The following KCTD3 variants were observed in gnomAD, a reference collection of about 807,000 sequenced individuals.
The protein encoded by KCTD3 is BTB/POZ domain-containing protein KCTD3.
KCTD3 carries 41 observed loss-of-function variants against 85.8 expected under a neutral mutation model. That is an observed-to-expected ratio of 0.48 (90% CI 0.37 to 0.62). KCTD3 has a LOEUF of 0.62. Ranked by LOEUF, KCTD3 falls within the 20% of genes least tolerant of loss-of-function variation. The pLI is 0.00. For synonymous variants in KCTD3, 338 were observed against 345.4 expected (o/e 0.98, Z 0.24); for missense variants, 724 against 989.9 (o/e 0.73, Z 3.60).
At position 215,567,548 on chromosome 1, in the gene KCTD3, G is replaced by A. The variant is rs1659172641; in HGVS notation, c.-138G>A. On this transcript the variant is annotated 5_prime_UTR_variant, in exon 1 of 18. Transcript: ENST00000259154. ...CCCGGCCGCCGGGAAGGTGGGGGAA[G>A]CCCCGTGCACCCCCCGCCCTCCGGC... 5.7e-6 allele frequency: 2 copies of A among 350,288 alleles called. No homozygotes were observed. The highest frequency in any genetic ancestry group is 4.3e-5 in the African/African-American group (2 of 46,464). The allele number at this position is 350,288 out of a possible 1,614,324, so 21.7% of individuals were successfully genotyped here. A position where few individuals can be genotyped will look rare whatever the true frequency, so the allele number is the denominator to read the frequency against.
chr1:215,574,077 C>T lies in KCTD3; in HGVS notation c.142C>T (p.Leu48=). 1 of 1,585,692 alleles carries T rather than the reference C, an allele frequency of 6.3e-7. No homozygotes were observed. The highest frequency in any genetic ancestry group is 8.6e-7 in the Non-Finnish European group (1 of 1,160,126). Residue 48 remains leucine (L), a synonymous_variant, in exon 3 of 18, where the codon CTG becomes TTG. Transcript: ENST00000259154. ...TAGATTATTAATGACTTCCAGTTTGCTGAGTGGGAGAATTTCAACACTTCG... is the reference window on the plus strand; with the variant it reads ...TAGATTATTAATGACTTCCAGTTTGTTGAGTGGGAGAATTTCAACACTTCG... ...WIPDSFFSSL[L]SGRISTLRDE...
At chr1:215,584,429 T>C (rs899560052) in intron 8 of KCTD3, among the ~76,000 whole-genome samples, 11 of 152,194 alleles carry the variant, frequency 7.2e-5, no homozygotes, top group African/African-American at 2.7e-4. Context: ...AAATTGACTT[T>C]GATAGAACTT....
intron 7 of KCTD3, among the ~76,000 whole-genome samples, 162 bp from the exon 8 acceptor site, chr1:215,579,747 C>G (rs563169493): frequency 2.0e-5 from 3 of 152,200 alleles, no homozygotes; most frequent in Non-Finnish European, 4.4e-5. Flanking sequence ...ATCCGCCCGC[C>G]TCGGCCTCCC....
intron 3 of KCTD3, among the ~76,000 whole-genome samples, chr1:215,574,809 A>G (rs75431238): frequency 0.015 from 2,332 of 152,326 alleles, 59 homozygotes; most frequent in African/African-American, 0.053. Flanking sequence ...TTGTATATAT[A>G]TAGTTGATCA....
chr1:215,611,981 A>T, intron 15 of KCTD3, 60 bp downstream of exon 15: 1 of 1,131,150 alleles, frequency 8.8e-7, no homozygotes, highest in Non-Finnish European at 1.3e-6. Flanking sequence ...TACAAAACAT[A>T]TGGCATAATT....
At chr1:215,571,990 T>C (rs1054637754) in intron 1 of KCTD3, among the ~76,000 whole-genome samples, 1 of 152,212 alleles carries the variant, frequency 6.6e-6, no homozygotes, top group Non-Finnish European at 1.5e-5. Flanking sequence ...AAATTTATTT[T>C]GGAGACTAAG....
At chr1:215,596,363 G>C (rs1225846098) in intron 10 of KCTD3, among the ~76,000 whole-genome samples, 3 of 152,088 alleles carry the variant, frequency 2.0e-5, no homozygotes, top group Non-Finnish European at 2.9e-5. Flanking sequence ...TACTCCTTTG[G>C]AATTTGGGAA....
chr1:215,591,819 C>T (rs956605606), intron 9 of KCTD3, among the ~76,000 whole-genome samples: 5 of 152,210 alleles, frequency 3.3e-5, no homozygotes, highest in African/African-American at 1.2e-4. Context: ...TTCGCCTCCT[C>T]AGTTCAGGGA....
At chr1:215,591,279 C>A (rs1286183445) in intron 9 of KCTD3, among the ~76,000 whole-genome samples, 1 of 142,346 alleles carries the variant, frequency 7.0e-6, no homozygotes, top group East Asian at 2.1e-4. Context: ...TCTCTCTCTC[C>A]TTCCTTCTTT....
At chr1:215,595,595 T>A in intron 10 of KCTD3, 124 bp downstream of exon 10, 1 of 598,374 alleles carries the variant, frequency 1.7e-6, no homozygotes, top group Non-Finnish European at 2.9e-6. Flanking sequence ...TGAATAAATG[T>A]AGTGGTAAAT....
intron 9 of KCTD3, among the ~76,000 whole-genome samples, chr1:215,587,864 T>A (rs1354320762): frequency 1.3e-5 from 2 of 152,226 alleles, no homozygotes; most frequent in East Asian, 3.8e-4. Context: ...TCATACATGC[T>A]TTTATAAGAT....
At position 215,578,546 on chromosome 1, in the gene KCTD3, A is replaced by C. The variant is rs113439381; in HGVS notation, c.398-454A>C. ...GCCCCACTTTAGTTAGAAGAGCCTGATTTTACCTGTGTTATAATGGACTTC... is the reference window on the plus strand; with the variant it reads ...GCCCCACTTTAGTTAGAAGAGCCTGCTTTTACCTGTGTTATAATGGACTTC... On this transcript the variant is annotated intron_variant, in intron 6 of 17. Coordinates refer to ENST00000259154, the MANE Select transcript of KCTD3 (RefSeq NM_016121.5). 1.8e-3 allele frequency among the ~76,000 whole-genome samples: 275 copies of C among 152,310 alleles called. 3 individuals carry two copies. Among genetic ancestry groups the C allele is most frequent in the African/African-American group, 6.1e-3 (255 of 41,578 alleles).
chr1:215,619,082 T>C lies in KCTD3; in HGVS notation c.1747+12T>C. The C allele has an allele frequency of 6.2e-7, 1 of 1,609,942 alleles. No homozygotes were observed. ...AAGTGAAGATAAGGGTAGGTTCTCA[T>C]ACAGAAAGATGTTTGTCACAAGGTT... On this transcript the variant is annotated intron_variant, in intron 16 of 17. Transcript: ENST00000259154.
rs1169491432 is a variant in KCTD3 at position 215,621,085 on chromosome 1, A to G, written c.*467A>G. The G allele has an allele frequency of 2.5e-5, 4 of 158,026 alleles. No individual in the cohort carries two copies. Among genetic ancestry groups the G allele is most frequent in the African/African-American group, 9.6e-5 (4 of 41,696 alleles). 9.8% of individuals were successfully genotyped at this position (158,026 alleles called of 1,614,324 possible). ...ATTGTGATTGCAAAGTGTTTACCAG[A>G]TATTTGATGAGGTGCTATGTTTGTG... On this transcript the variant is annotated 3_prime_UTR_variant, in exon 18 of 18. Transcript: ENST00000259154.
At chr1:215,570,560 T>C (rs1409951102) in intron 1 of KCTD3, among the ~76,000 whole-genome samples, 3 of 152,206 alleles carry the variant, frequency 2.0e-5, no homozygotes, top group Admixed American at 6.5e-5. Context: ...CTAACTAGCC[T>C]AGCAACCTTG....
In KCTD3 at chr1:215,577,533, TAA is replaced by T. The variant is rs1247637867; in HGVS notation, c.258-135_258-134del. 2.5e-4 allele frequency: 148 copies of T among 593,172 alleles called. No individual in the cohort carries two copies. In the East Asian group the frequency reaches 3.1e-3, roughly 12 times the overall value. 36.7% of individuals were successfully genotyped at this position (593,172 alleles called of 1,614,324 possible). A position where few individuals can be genotyped will look rare whatever the true frequency, so the allele number is the denominator to read the frequency against. ...TTTTAATGATTAAGGATAATAGAAA[TAA>T]AGAGTATTAGGAGGAAAATAATTTT... On this transcript the variant is annotated intron_variant, in intron 4 of 17. Transcript: ENST00000259154.
At chr1:215,603,102 G>A (rs1272329250) in intron 12 of KCTD3, among the ~76,000 whole-genome samples, 1 of 152,084 alleles carries the variant, frequency 6.6e-6, no homozygotes, top group Non-Finnish European at 1.5e-5. Flanking sequence ...TTACTACTTG[G>A]CCCCTTACGG....
chr1:215,601,561 C>T (rs1185814782), intron 10 of KCTD3, among the ~76,000 whole-genome samples: 2 of 152,010 alleles, frequency 1.3e-5, no homozygotes, highest in African/African-American at 4.8e-5. Flanking sequence ...TAGTGGGCTG[C>T]AATCTAGTGA....
chr1:215,579,590 C>T (rs1370503269), intron 7 of KCTD3, among the ~76,000 whole-genome samples: 1 of 152,004 alleles, frequency 6.6e-6, no homozygotes, highest in Non-Finnish European at 1.5e-5. Flanking sequence ...GCTCTGCCTC[C>T]TGGGTTTACG....
Sources: allele counts gnomAD v4.1 joint callset (sites outside exome capture counted in the v4.1 genomes callset), GRCh38; gene constraint gnomAD v4.1.1; transcripts MANE v1.5; gene names NCBI Gene and HGNC (gene_info 2026-07-23, HGNC 2026-07-21).